The following KIF21A variants were observed in gnomAD, a reference collection of about 807,000 sequenced individuals.
The protein encoded by KIF21A is kinesin-like protein KIF21A.
Under a neutral mutation model 202.9 loss-of-function variants are expected in KIF21A, and 114 were observed. That is an observed-to-expected ratio of 0.56 (90% CI 0.48 to 0.66). The LOEUF (loss-of-function observed/expected upper bound fraction) is 0.66. Ranked by LOEUF, KIF21A falls within the 30% of genes least tolerant of loss-of-function variation. The probability of loss-of-function intolerance (pLI) is 0.00; values close to 1 mark genes in which losing one functional copy is unlikely to be tolerated. For missense variants in KIF21A, 1,677 were observed against 1,994.9 expected, an observed-to-expected ratio of 0.84 and a Z score of 3.04; for synonymous variants, 667 against 670.8, an observed-to-expected ratio of 0.99 and a Z score of 0.09.
At position 39,368,515 on chromosome 12, in the gene KIF21A, G is replaced by C. The variant is rs146166271; in HGVS notation, c.451-483C>G. ...ATATTAGTGTTCCTGTATCAATAGT[G>C]GCTGAAAAAACCCAGATACCTCCTT... On this transcript the variant is annotated intron_variant, in intron 3 of 37. Coordinates refer to ENST00000361418, the MANE Select transcript of KIF21A (RefSeq NM_001173464.2). 5.6e-3 allele frequency among the ~76,000 whole-genome samples: 858 copies of C among 152,092 alleles called. 4 individuals carry two copies. The highest frequency in any genetic ancestry group is 0.011 in the South Asian group (55 of 4,818).
chr12:39,401,036 A>T (rs958242803), intron 1 of KIF21A, among the ~76,000 whole-genome samples: 45 of 152,220 alleles, frequency 3.0e-4, no homozygotes, highest in African/African-American at 1.0e-3. Context: ...GCATCCACTC[A>T]TTGAAAAACC....
chr12:39,309,605 T>G lies in KIF21A; in HGVS notation c.4258A>C (p.Lys1420Gln), dbSNP rs757338165. ...ACTTACGTTAGTGTTCGAATGCACT[T>G]TGCTGAATCTCTGATATCCCACACC... ...IKVWDIRDSAKCIRTLTSSGQ... is the reference protein window; with the variant it reads ...IKVWDIRDSAQCIRTLTSSGQ... Residue 1420 changes from lysine (K) to glutamine (Q), a missense_variant, in exon 33 of 38, where the codon AAG becomes CAG. Around this residue, in one of 3 missense-constraint regions of KIF21A, gnomAD observed 705 missense variants for 791.9 expected, o/e 0.89. Coordinates refer to ENST00000361418, the MANE Select transcript of KIF21A (RefSeq NM_001173464.2). 1.9e-6 allele frequency: 3 copies of G among 1,612,288 alleles called. No individual in the cohort carries two copies. In the South Asian group the frequency reaches 3.3e-5, roughly 18 times the overall value.
chr12:39,338,772 T>A (rs942526158), intron 16 of KIF21A, among the ~76,000 whole-genome samples: 1 of 152,162 alleles, frequency 6.6e-6, no homozygotes, highest in Non-Finnish European at 1.5e-5. Context: ...TAGCATCATG[T>A]CTAAAAAAAT....
At chr12:39,347,180 T>A (rs1052463050) in intron 11 of KIF21A, among the ~76,000 whole-genome samples, 4 of 151,222 alleles carry the variant, frequency 2.6e-5, no homozygotes, top group Non-Finnish European at 4.4e-5. Flanking sequence ...GATTAAAGAG[T>A]TTACTAATTA....
At chr12:39,436,448 A>ATATATATATATATATATATATATTTTTT (rs1387332677) in intron 1 of KIF21A, among the ~76,000 whole-genome samples, 40 of 95,688 alleles carry the variant, frequency 4.2e-4, no homozygotes, top group Non-Finnish European at 6.0e-4. Flanking sequence ...ATATATATAT[A>ATATATATATATATATATATATATTTTTT]TTTTTTTTTT....
chr12:39,384,358 A>C (rs2139499229), intron 1 of KIF21A, among the ~76,000 whole-genome samples: 1 of 152,310 alleles, frequency 6.6e-6, no homozygotes, highest in South Asian at 2.1e-4. Context: ...GACTTTGCAA[A>C]GTCAAATATC....
chr12:39,328,092 G>C (rs1371681560), intron 24 of KIF21A, among the ~76,000 whole-genome samples: 1 of 152,120 alleles, frequency 6.6e-6, no homozygotes, highest in African/African-American at 2.4e-5. Flanking sequence ...AGAAAGGCCT[G>C]CTTGGAAAAC....
At chr12:39,368,072 T>C (rs200375004) in intron 3 of KIF21A, 40 bp from the exon 4 acceptor site, 446 of 1,323,654 alleles carry the variant, frequency 3.4e-4, no homozygotes, top group Non-Finnish European at 4.6e-4. Flanking sequence ...TAGCAGAAAT[T>C]GTCTGGGTAG....
rs182562616 is a variant in KIF21A at position 39,382,294 on chromosome 12, G to T, written c.45-12033C>A. 8.0e-4 allele frequency among the ~76,000 whole-genome samples: 122 copies of T among 152,138 alleles called. No homozygotes were observed. In the East Asian group the frequency reaches 9.5e-3, roughly 12 times the overall value. On this transcript the variant is annotated intron_variant, in intron 1 of 37. Coordinates refer to ENST00000361418, the MANE Select transcript of KIF21A (RefSeq NM_001173464.2). The stretch of plus-strand genomic sequence containing the variant: ...TTTTATATTAAGAAAAGATAATTTG[G>T]TGTTCAAAAAAGATGACTGAAAACC...
intron 37 of KIF21A, among the ~76,000 whole-genome samples, chr12:39,295,232 G>A (rs149399501): frequency 1.3e-5 from 2 of 152,292 alleles, no homozygotes; most frequent in East Asian, 3.9e-4. Context: ...TTATAAAAAG[G>A]GAAGAAATAG....
chr12:39,402,635 A>G (rs1293363799), intron 1 of KIF21A, among the ~76,000 whole-genome samples: 2 of 152,206 alleles, frequency 1.3e-5, no homozygotes, highest in African/African-American at 4.8e-5. Flanking sequence ...AGTAACATAC[A>G]TTATATCAAA....
In KIF21A at chr12:39,332,422, AG is replaced by A; in HGVS notation, c.2857-15del. On this transcript the variant is annotated splice_polypyrimidine_tract_variant and intron_variant, in intron 20 of 37. Coordinates refer to ENST00000361418, the MANE Select transcript of KIF21A (RefSeq NM_001173464.2). ...TTCCTCCCGTTGCTATTGAGAAAGC[AG>A]GTTGGATTTTAAGAAATTATGTTCA... The A allele has an allele frequency of 6.2e-7, 1 of 1,613,032 alleles. No homozygotes were observed. The highest frequency in any genetic ancestry group is 8.5e-7 in the Non-Finnish European group (1 of 1,179,100).
intron 1 of KIF21A, among the ~76,000 whole-genome samples, chr12:39,419,884 G>A (rs1000122009): frequency 6.6e-6 from 1 of 151,886 alleles, no homozygotes; most frequent in African/African-American, 2.4e-5. Flanking sequence ...ATCTCCATTC[G>A]GCAGAACTCA....
intron 1 of KIF21A, among the ~76,000 whole-genome samples, chr12:39,397,927 A>G (rs904727226): frequency 3.3e-5 from 5 of 152,234 alleles, no homozygotes; most frequent in African/African-American, 4.8e-5. Context: ...GATTTTGAGT[A>G]TGACTTACAA....
intron 1 of KIF21A, among the ~76,000 whole-genome samples, chr12:39,396,873 T>G (rs1213586486): frequency 2.6e-5 from 4 of 152,012 alleles, no homozygotes; most frequent in Non-Finnish European, 5.9e-5. Context: ...TGCTCTGCAA[T>G]AAAAAGGAAT....
intron 1 of KIF21A, among the ~76,000 whole-genome samples, chr12:39,432,819 C>T (rs115449118): frequency 2.0e-5 from 3 of 152,044 alleles, no homozygotes; most frequent in Non-Finnish European, 4.4e-5. Context: ...CCATGCTGGC[C>T]GGGCTGGTCT....
intron 27 of KIF21A, 62 bp downstream of exon 27, chr12:39,322,606 C>T (rs1012687649): frequency 2.0e-5 from 24 of 1,201,402 alleles, no homozygotes; most frequent in Non-Finnish European, 3.0e-5. Context: ...AAATTAGCAA[C>T]ATGCATACTT....
rs550424425 is a variant in KIF21A at position 39,293,669 on chromosome 12, T to C, written c.*755A>G. On this transcript the variant is annotated 3_prime_UTR_variant, in exon 38 of 38. Transcript: ENST00000361418. ...AGAAACAACTCCATAGGAAAATAGA[T>C]CAAAATATATTTCTGTTAGGACATC... 6.6e-6 allele frequency: 1 copy of C among 151,380 alleles called. No individual in the cohort carries two copies. Among genetic ancestry groups the C allele is most frequent in the East Asian group, 1.9e-4 (1 of 5,134 alleles). The allele number at this position is 151,380 out of a possible 1,614,324, so 9.4% of individuals were successfully genotyped here. A position where few individuals can be genotyped will look rare whatever the true frequency, so the allele number is the denominator to read the frequency against.
intron 11 of KIF21A, among the ~76,000 whole-genome samples, chr12:39,350,817 A>T (rs927656873): frequency 2.0e-5 from 3 of 152,062 alleles, no homozygotes; most frequent in Admixed American, 6.6e-5. Context: ...AATGACTTTG[A>T]TCAACTGGCT....
Sources: gnomAD v4.1 joint callset for allele counts (sites outside exome capture counted in the v4.1 genomes callset) on GRCh38, gnomAD v4.1.1 for gene constraint, gnomAD v4.1.1 regional missense constraint, MANE v1.5 for transcripts, NCBI Gene and HGNC (gene_info 2026-07-23, HGNC 2026-07-21) for gene names.